CCL17: variants seen among roughly 807,000 people sequenced by gnomAD.
The protein encoded by CCL17 is C-C motif chemokine 17.
CCL17 carries 8 observed loss-of-function variants against 7.4 expected under a neutral mutation model. The ratio of observed to expected loss-of-function variants is 1.09; its 90% confidence interval spans 0.64 to 1.96. CCL17 has a LOEUF of 1.96. Ranked by LOEUF, CCL17 falls within the 30% of genes most tolerant of loss-of-function variation. The pLI is 0.00. For missense variants in CCL17, 102 were observed against 113.0 expected (o/e 0.90, Z 0.44); for synonymous variants, 40 against 46.1 (o/e 0.87, Z 0.54).
the CCL17 span, among the ~76,000 whole-genome samples, chr16:57,397,676 G>A: frequency 4.1e-4 from 63 of 152,306 alleles, no homozygotes; most frequent in African/African-American, 1.5e-3. Flanking sequence ...CCAGAGGTTA[G>A]GAACTCCCTT....
chr16:57,396,726 G>T, the CCL17 span, among the ~76,000 whole-genome samples: 12 of 152,138 alleles, frequency 7.9e-5, no homozygotes, highest in Non-Finnish European at 1.3e-4. Flanking sequence ...GAGCTGTTTG[G>T]GTGAGTCGGA....
chr16:57,415,218 C>T lies in CCL17; in HGVS notation c.188+20C>T, dbSNP rs775475023. On this transcript the variant is annotated intron_variant, in intron 3 of 3. Coordinates refer to ENST00000219244, the MANE Select transcript of CCL17 (RefSeq NM_002987.3). This position sits in a 1 kb window ranked among gnomAD's most constrained non-coding sequence, Gnocchi z 4.5. ...CATCGTGTAAGTCCCCCTGGCTCCA[C>T]CCCTGCTCCTCAGGGCCAAGCATGG... 4 of 1,496,372 alleles carry T rather than the reference C, an allele frequency of 2.7e-6. No homozygotes were observed. The highest frequency in any genetic ancestry group is 1.7e-5 in the Admixed American group (1 of 59,890). The allele number at this position is 1,496,372 out of a possible 1,614,324, so 92.7% of individuals were successfully genotyped here.
In CCL17 at chr16:57,415,016, C is replaced by CCA; in HGVS notation, c.71-65_71-64insCA. 1 of 1,050,562 alleles carries CCA rather than the reference C, an allele frequency of 9.5e-7. No individual in the cohort carries two copies. Among genetic ancestry groups the CCA allele is most frequent in the Non-Finnish European group, 1.5e-6 (1 of 668,048 alleles). 65.1% of individuals were successfully genotyped at this position (1,050,562 alleles called of 1,614,324 possible). On this transcript the variant is annotated intron_variant, in intron 2 of 3. Coordinates refer to ENST00000219244, the MANE Select transcript of CCL17 (RefSeq NM_002987.3). The surrounding 1 kb of genome is among the most constrained non-coding windows in gnomAD (Gnocchi z 4.5). Reference sequence around the variant, plus strand: ...ATGCAGATCTTCCACGAACACCCCCCAGAGGTCCCCGCAACACACACGCAG... The same window carrying CCA: ...ATGCAGATCTTCCACGAACACCCCCCCAAGAGGTCCCCGCAACACACACGCAG...
At chr16:57,412,545 A>C (rs749482075) in intron 1 of CCL17, among the ~76,000 whole-genome samples, 1 of 152,238 alleles carries the variant, frequency 6.6e-6, no homozygotes, top group South Asian at 2.1e-4. Flanking sequence ...TGAAAAACTT[A>C]GTAATGATTT....
At chr16:57,414,163 A>C (rs1281957155) in intron 2 of CCL17, among the ~76,000 whole-genome samples, 161 bp downstream of exon 2, 1 of 151,960 alleles carries the variant, frequency 6.6e-6, no homozygotes, top group Non-Finnish European at 1.5e-5. Context: ...TGAGGGAAAC[A>C]AGCAGAGAAA....
At chr16:57,407,430 G>T (rs1055575283) in intron 1 of CCL17, among the ~76,000 whole-genome samples, 1 of 152,232 alleles carries the variant, frequency 6.6e-6, no homozygotes, top group African/African-American at 2.4e-5. Flanking sequence ...CTCATGAAAT[G>T]ATGGTACACA....
chr16:57,403,761 A>G (rs1476781365), upstream of CCL17, among the ~76,000 whole-genome samples: 3 of 140,382 alleles, frequency 2.1e-5, no homozygotes, highest in Non-Finnish European at 4.5e-5. Context: ...GGTTCAAGTG[A>G]TTCTCCTGCC....
chr16:57,403,651 A>T (rs560584755), upstream of CCL17, among the ~76,000 whole-genome samples: 251 of 78,720 alleles, frequency 3.2e-3, 2 homozygotes, highest in East Asian at 0.01. Flanking sequence ...AAATATATAT[A>T]ATATATATAT....
rs1416243419 is a variant in CCL17 at position 57,413,951 on chromosome 16, C to G, written c.19C>G (p.Leu7Val). MAPLKM[L>V]ALVTLLLGAS... ...TGGCACCATGGCCCCACTGAAGATG[C>G]TGGCCCTGGTCACCCTCCTCCTGGG... The change falls in exon 2 of 4, where the codon CTG becomes GTG. Residue 7 changes from leucine to valine, a missense_variant. Leu to Val is a conservative substitution (Grantham distance 32). Coordinates refer to ENST00000219244, the MANE Select transcript of CCL17 (RefSeq NM_002987.3). The G allele has an allele frequency of 1.2e-6, 2 of 1,609,486 alleles. No homozygotes were observed. The highest frequency in any genetic ancestry group is 2.7e-5 in the African/African-American group (2 of 74,846).
At chr16:57,411,318 A>C (rs754601103) in intron 1 of CCL17, among the ~76,000 whole-genome samples, 3 of 151,986 alleles carry the variant, frequency 2.0e-5, no homozygotes, top group Non-Finnish European at 4.4e-5. Flanking sequence ...CACAGCCCCC[A>C]GAGGCTCAGC....
upstream of CCL17, among the ~76,000 whole-genome samples, chr16:57,401,082 T>G (rs1902585255): frequency 6.6e-6 from 1 of 152,092 alleles, no homozygotes; most frequent in Non-Finnish European, 1.5e-5. Flanking sequence ...TAAATTGTGG[T>G]ATAGTTGGTG....
chr16:57,414,036 AC>A (rs1362320884), intron 2 of CCL17, 34 bp downstream of exon 2: 1 of 1,583,688 alleles, frequency 6.3e-7, no homozygotes, highest in Non-Finnish European at 8.6e-7. Flanking sequence ...AGGGGCAGGC[AC>A]CGGGAGGACA....
chr16:57,415,065 G>A lies in CCL17; in HGVS notation c.71-16G>A, dbSNP rs1265754544. On this transcript the variant is annotated splice_polypyrimidine_tract_variant and intron_variant, in intron 2 of 3. Transcript: ENST00000219244. This position sits in a 1 kb window ranked among gnomAD's most constrained non-coding sequence, Gnocchi z 4.5. ...AGACACTCACAGACACCCCTGCCCCGCTCCTCTCCCTGCAGCTCGAGGGAC... is the reference window on the plus strand; with the variant it reads ...AGACACTCACAGACACCCCTGCCCCACTCCTCTCCCTGCAGCTCGAGGGAC... 2.0e-5 allele frequency: 32 copies of A among 1,571,910 alleles called. No homozygotes were observed. The highest frequency in any genetic ancestry group is 1.7e-4 in the Middle Eastern group (1 of 6,028).
At chr16:57,408,847 T>TA (rs1334653767) in intron 1 of CCL17, among the ~76,000 whole-genome samples, 2 of 152,104 alleles carry the variant, frequency 1.3e-5, no homozygotes, top group African/African-American at 4.8e-5. Context: ...GTGCTGGGAT[T>TA]ACAGATGTGA....
In CCL17 at chr16:57,415,457, G is replaced by A. The variant is rs1443436125; in HGVS notation, c.188+259G>A. On this transcript the variant is annotated intron_variant, in intron 3 of 3. Coordinates refer to ENST00000219244, the MANE Select transcript of CCL17 (RefSeq NM_002987.3). The surrounding 1 kb of genome is among the most constrained non-coding windows in gnomAD (Gnocchi z 4.5). ...CACACAGCTGGTCAGGGGCAATGTG[G>A]TCACCTCCCCCAGCCTGGGCCTGAG... Among the ~76,000 whole-genome samples the A allele has an allele frequency of 6.6e-6, 1 of 152,236 alleles. No homozygotes were observed. Among genetic ancestry groups the A allele is most frequent in the Non-Finnish European group, 1.5e-5 (1 of 68,036 alleles).
Position 57,413,920 on chromosome 16 carries a change from G to T in CCL17, c.-13G>T. 1 of 1,601,686 alleles carries T rather than the reference G, an allele frequency of 6.2e-7. No individual in the cohort carries two copies. ...ACCTGCACACAGAGACTCCCTCCTG[G>T]GCTCCTGGCACCATGGCCCCACTGA... is the stretch of plus-strand genomic sequence containing the variant. On this transcript the variant is annotated 5_prime_UTR_variant, in exon 2 of 4. Coordinates refer to ENST00000219244, the MANE Select transcript of CCL17 (RefSeq NM_002987.3).
chr16:57,403,904 G>C (rs1173696156), upstream of CCL17, among the ~76,000 whole-genome samples: 1 of 151,330 alleles, frequency 6.6e-6, no homozygotes, highest in African/African-American at 2.4e-5. Context: ...TGATCCACCT[G>C]CCTCGGCCTC....
chr16:57,413,274 T>C (rs1902814308), intron 1 of CCL17, among the ~76,000 whole-genome samples: 1 of 152,194 alleles, frequency 6.6e-6, no homozygotes, highest in South Asian at 2.1e-4. Context: ...AGCTGCTCTG[T>C]GCCCTGGCTG....
At chr16:57,410,512 C>A (rs1902766848) in intron 1 of CCL17, among the ~76,000 whole-genome samples, 1 of 152,196 alleles carries the variant, frequency 6.6e-6, no homozygotes, top group Non-Finnish European at 1.5e-5. Flanking sequence ...CCCCTGCTGC[C>A]CCTCCACAAA....
Sources: gnomAD v4.1 joint callset for allele counts (sites outside exome capture counted in the v4.1 genomes callset) on GRCh38, gnomAD v4.1.1 for gene constraint, Gnocchi (gnomAD v3.1) non-coding constraint, MANE v1.5 for transcripts, NCBI Gene and HGNC (gene_info 2026-07-23, HGNC 2026-07-21) for gene names.